Variants in ADGRL3 observed in about 807,000 individuals in gnomAD.
The protein encoded by ADGRL3 is calcium-independent alpha-latrotoxin receptor 3.
ADGRL3 carries 62 observed loss-of-function variants against 153.5 expected under a neutral mutation model. The ratio of observed to expected loss-of-function variants is 0.40; its 90% CI spans 0.33 to 0.50. The LOEUF (loss-of-function observed/expected upper bound fraction) is 0.50. Ranked by LOEUF, ADGRL3 falls within the 20% of genes least tolerant of loss-of-function variation. ADGRL3 has a pLI of 0.47. For synonymous variants in ADGRL3, 710 were observed against 672.5 expected (o/e 1.06, Z -0.86); for missense variants, 1,641 against 1,859.4 (o/e 0.88, Z 2.16).
chr4:61,908,878 C>A (rs1349598179), intron 11 of ADGRL3, among the ~76,000 whole-genome samples: 2 of 151,906 alleles, frequency 1.3e-5, no homozygotes, highest in East Asian at 3.9e-4. Flanking sequence ...CAAATTTGTT[C>A]TAGTGATGAT....
At chr4:61,328,762 A>T (rs1397136078) in intron 1 of ADGRL3, among the ~76,000 whole-genome samples, 2 of 152,120 alleles carry the variant, frequency 1.3e-5, no homozygotes, top group African/African-American at 4.8e-5. Flanking sequence ...AGATGATACA[A>T]TTGGCCTCTT....
At chr4:61,753,527 C>T (rs954734746) in intron 8 of ADGRL3, among the ~76,000 whole-genome samples, 2 of 152,082 alleles carry the variant, frequency 1.3e-5, no homozygotes, top group African/African-American at 2.4e-5. Context: ...AAGGTTTTAA[C>T]CCTCAGTGGT....
intron 9 of ADGRL3, among the ~76,000 whole-genome samples, chr4:61,876,358 A>T (rs2098475150): frequency 6.6e-6 from 1 of 152,034 alleles, no homozygotes; most frequent in Admixed American, 6.6e-5. Context: ...GCAAGAAAAT[A>T]CAAGAACTGA....
intron 1 of ADGRL3, among the ~76,000 whole-genome samples, chr4:61,331,641 C>T (rs1330885796): frequency 6.6e-6 from 1 of 151,960 alleles, no homozygotes; most frequent in East Asian, 1.9e-4. Flanking sequence ...GGTGATTTTG[C>T]CATATAGATA....
intron 17 of ADGRL3, among the ~76,000 whole-genome samples, chr4:61,973,617 T>C (rs1388752310): frequency 1.3e-5 from 2 of 152,210 alleles, no homozygotes; most frequent in East Asian, 3.9e-4. Flanking sequence ...ATTCTGTCAT[T>C]CTCCTCTGAT....
intron 5 of ADGRL3, among the ~76,000 whole-genome samples, chr4:61,675,759 G>T (rs541582624): frequency 6.6e-6 from 1 of 151,744 alleles, no homozygotes; most frequent in Non-Finnish European, 1.5e-5. Flanking sequence ...TCACATCAGG[G>T]TAAATGGGAT....
chr4:61,847,300 C>A (rs1309810685), intron 9 of ADGRL3, among the ~76,000 whole-genome samples: 1 of 151,136 alleles, frequency 6.6e-6, no homozygotes, highest in Non-Finnish European at 1.5e-5. Context: ...AAAGGATAAG[C>A]AAAGTGCTAA....
rs542553548 is a variant in ADGRL3, at chr4:61,317,197, C to G, written c.-239-65927C>G. On this transcript the variant is annotated intron_variant, in intron 1 of 26. Transcript: ENST00000683033. Reference sequence around the variant, plus strand: ...ATTATTCTTTTAAAAACCTTGAGGCCTGGATTACCTGTTCTTCAAGTACAT... The same window carrying G: ...ATTATTCTTTTAAAAACCTTGAGGCGTGGATTACCTGTTCTTCAAGTACAT... Among the ~76,000 whole-genome samples the G allele has an allele frequency of 3.9e-5, 6 of 152,228 alleles. No individual in the cohort carries two copies. The East Asian group carries it at 1.2e-3, about 29-fold the overall frequency.
chr4:61,632,479 C>T (rs1404781136), intron 5 of ADGRL3, among the ~76,000 whole-genome samples: 1 of 152,034 alleles, frequency 6.6e-6, no homozygotes, highest in African/African-American at 2.4e-5. Flanking sequence ...TTTTTCTTCC[C>T]CTGCCTGGAA....
chr4:61,329,482 G>T (rs1455246399), intron 1 of ADGRL3, among the ~76,000 whole-genome samples: 2 of 151,886 alleles, frequency 1.3e-5, no homozygotes, highest in African/African-American at 4.8e-5. Flanking sequence ...ATTTTTAAAT[G>T]TAGAAATTTA....
chr4:61,684,613 G>A (rs1454467160), intron 6 of ADGRL3, among the ~76,000 whole-genome samples: 1 of 152,188 alleles, frequency 6.6e-6, no homozygotes, highest in South Asian at 2.1e-4. Context: ...GCCAGATTCA[G>A]CCTGCCGAGG....
At chr4:61,257,682 A>G (rs2092107200) in intron 1 of ADGRL3, among the ~76,000 whole-genome samples, 1 of 152,218 alleles carries the variant, frequency 6.6e-6, no homozygotes. Flanking sequence ...TTTGGTAGAT[A>G]TGATGAGTAA....
chr4:61,673,205 G>A (rs1049070650), intron 5 of ADGRL3, among the ~76,000 whole-genome samples: 7 of 151,806 alleles, frequency 4.6e-5, no homozygotes, highest in East Asian at 3.9e-4. Context: ...GGGAGATGTC[G>A]ATCAAAGGGG....
chr4:62,028,777 G>T, intron 21 of ADGRL3, 78 bp from the exon 22 acceptor site: 1 of 1,219,690 alleles, frequency 8.2e-7, no homozygotes, highest in Non-Finnish European at 1.2e-6. Context: ...GGGACCAGGA[G>T]AATATTTTTC....
chr4:61,442,743 C>T (rs335275), intron 2 of ADGRL3, among the ~76,000 whole-genome samples: 139,569 of 152,146 alleles, frequency 0.92, 65,231 homozygotes, highest in East Asian at 1. Flanking sequence ...GGTCTTAATG[C>T]CTGATAAATA....
chr4:61,946,039 GC>G (rs983565135), intron 15 of ADGRL3, among the ~76,000 whole-genome samples: 2 of 152,098 alleles, frequency 1.3e-5, no homozygotes, highest in African/African-American at 4.8e-5. Flanking sequence ...TCCAGTTTGG[GC>G]TATTAAGAAT....
rs775928719 is a variant in ADGRL3, at chr4:61,647,048, G to C, written c.474-29778G>C. Among the ~76,000 whole-genome samples, 4 of 152,110 alleles carry C rather than the reference G, an allele frequency of 2.6e-5. No individual in the cohort carries two copies. The South Asian group carries it at 8.3e-4, about 31-fold the overall frequency. Reference sequence around the variant, plus strand: ...GGAGTCACTCGATTTTCCAGGTGCCGTCCATCACCCCTTTCTTTGACTAGG... The same window carrying C: ...GGAGTCACTCGATTTTCCAGGTGCCCTCCATCACCCCTTTCTTTGACTAGG... On this transcript the variant is annotated intron_variant, in intron 5 of 26. Transcript: ENST00000683033.
intron 9 of ADGRL3, among the ~76,000 whole-genome samples, chr4:61,887,873 A>G (rs1218874093): frequency 6.6e-6 from 1 of 152,180 alleles, no homozygotes; most frequent in Non-Finnish European, 1.5e-5. Flanking sequence ...AAAATAAAAA[A>G]TAATTGCAAA....
intron 4 of ADGRL3, among the ~76,000 whole-genome samples, chr4:61,558,418 T>A (rs2098778665): frequency 6.6e-6 from 1 of 151,850 alleles, no homozygotes; most frequent in Admixed American, 6.6e-5. Context: ...AGCTATTTGG[T>A]AATCCTCTAA....
Sources: allele counts gnomAD v4.1 joint callset (sites outside exome capture counted in the v4.1 genomes callset), GRCh38; gene constraint gnomAD v4.1.1; transcripts MANE v1.5; gene names NCBI Gene and HGNC (gene_info 2026-07-23, HGNC 2026-07-21).